The following TCF7L1 variants were observed in gnomAD, a reference collection of about 807,000 sequenced individuals.
The protein encoded by TCF7L1 is transcription factor 7 like 1, also known as transcription factor 7-like 1.
Under a neutral mutation model 63.7 loss-of-function variants are expected in TCF7L1, and 18 were observed. The observed-to-expected ratio is 0.28, with a 90% confidence interval of 0.20 to 0.42. The LOEUF (loss-of-function observed/expected upper bound fraction) is 0.42. TCF7L1 is among the 10% of genes least tolerant of loss of function. The pLI is 1.00. For missense variants in TCF7L1, 654 were observed against 779.3 expected, an observed-to-expected ratio of 0.84 and a Z score of 1.91; for synonymous variants, 355 against 340.9, an observed-to-expected ratio of 1.04 and a Z score of -0.46.
intron 3 of TCF7L1, among the ~76,000 whole-genome samples, chr2:85,202,418 T>C (rs1171117643): frequency 2.1e-4 from 32 of 152,238 alleles, no homozygotes; most frequent in Admixed American, 2.1e-3. Flanking sequence ...TTCTTTGTAG[T>C]ATTCTTTGAA....
chr2:85,196,105 T>A (rs566412175), intron 3 of TCF7L1, among the ~76,000 whole-genome samples: 3 of 152,250 alleles, frequency 2.0e-5, no homozygotes, highest in South Asian at 2.1e-4. Context: ...TGCTGGCATT[T>A]CCAGCTTCCA....
chr2:85,276,530 G>C (rs191475015), intron 3 of TCF7L1, among the ~76,000 whole-genome samples: 1 of 152,084 alleles, frequency 6.6e-6, no homozygotes, highest in African/African-American at 2.4e-5. Context: ...GTGAAGAAGC[G>C]ATCCGTGTCT....
chr2:85,233,417 G>T (rs1400752949), intron 3 of TCF7L1, among the ~76,000 whole-genome samples: 1 of 150,836 alleles, frequency 6.6e-6, no homozygotes, highest in Non-Finnish European at 1.5e-5. Flanking sequence ...TCTGGTTCAA[G>T]TGATTCTCCT....
At position 85,134,483 on chromosome 2, in the gene TCF7L1, G is replaced by C. The variant is rs1488317833; in HGVS notation, c.441+33G>C. 6 of 1,545,034 alleles carry C rather than the reference G, an allele frequency of 3.9e-6. No individual in the cohort carries two copies. The highest frequency in any genetic ancestry group is 5.2e-6 in the Non-Finnish European group (6 of 1,144,236). On this transcript the variant is annotated intron_variant, in intron 3 of 11. Coordinates refer to ENST00000282111, the MANE Select transcript of TCF7L1 (RefSeq NM_031283.3). This position sits in a 1 kb window ranked among gnomAD's most constrained non-coding sequence, Gnocchi z 5.0. ...CCCGTCGGGCGCGCCGGGGAGGGTGGGAGGCCGCGGCCCGCAGGATGCGCC... is the reference window on the plus strand; with the variant it reads ...CCCGTCGGGCGCGCCGGGGAGGGTGCGAGGCCGCGGCCCGCAGGATGCGCC...
chr2:85,231,448 C>T (rs545216728), intron 3 of TCF7L1, among the ~76,000 whole-genome samples: 2 of 152,332 alleles, frequency 1.3e-5, no homozygotes, highest in Non-Finnish European at 2.9e-5. Flanking sequence ...CAGCCTAGAG[C>T]AAACTGAATT....
rs376241562 is a variant in TCF7L1 at position 85,309,318 on chromosome 2, C to T, written c.1623C>T (p.Leu541=). The change falls in exon 12 of 12, where the codon CTC becomes CTT. Residue 541 remains leucine, a synonymous_variant. Transcript: ENST00000282111. Reference sequence around the variant, plus strand: ...GGCAGATGGGCAGCCAGCCTCCCCTCCTGTCCCGGCCCCTCCCCCTTGGGT... The same window carrying T: ...GGCAGATGGGCAGCCAGCCTCCCCTTCTGTCCCGGCCCCTCCCCCTTGGGT... ...SSGQMGSQPP[L]LSRPLPLGSM... 5.4e-5 allele frequency: 87 copies of T among 1,613,312 alleles called. 1 individual carries two copies. The African/African-American group carries it at 9.3e-4, about 17-fold the overall frequency.
At chr2:85,208,800 A>T (rs1223354435) in intron 3 of TCF7L1, among the ~76,000 whole-genome samples, 1 of 152,214 alleles carries the variant, frequency 6.6e-6, no homozygotes, top group African/African-American at 2.4e-5. Context: ...ACTTTTTATT[A>T]TCTTGAGGAA....
Position 85,306,602 on chromosome 2 carries a change from C to T in TCF7L1, c.1257+43C>T. 1 of 1,511,894 alleles carries T rather than the reference C, an allele frequency of 6.6e-7. No homozygotes were observed. The highest frequency in any genetic ancestry group is 9.2e-7 in the Non-Finnish European group (1 of 1,090,978). The allele number at this position is 1,511,894 out of a possible 1,614,324, so 93.7% of individuals were successfully genotyped here. ...GCAGAGGACGCTCAGACCCCAGGAA[C>T]AGCCTCTGCAAGAGGAGGAAGGGTG... On this transcript the variant is annotated intron_variant, in intron 10 of 11. Coordinates refer to ENST00000282111, the MANE Select transcript of TCF7L1 (RefSeq NM_031283.3). This position sits in a 1 kb window ranked among gnomAD's most constrained non-coding sequence, Gnocchi z 4.3.
intron 3 of TCF7L1, among the ~76,000 whole-genome samples, chr2:85,204,521 T>C (rs1439741984): frequency 6.6e-6 from 1 of 152,148 alleles, no homozygotes. Flanking sequence ...GTAGATTTAC[T>C]GGGTCTGATA....
Position 85,306,458 on chromosome 2 carries a change from A to G in TCF7L1, c.1156A>G (p.Asn386Asp). Reference protein sequence around the residue: ...INQILGRKWHNLSREEQAKYY... With the variant: ...INQILGRKWHDLSREEQAKYY... ...CTGACCCTCTCTCCCCCAGTGGCAC[A>G]ACCTGTCTCGAGAAGAACAGGCCAA... Residue 386 changes from asparagine (N) to aspartate (D), a missense_variant, in exon 10 of 12, where the codon AAC becomes GAC. This residue lies in a region of TCF7L1 where 66 missense variants were observed against 120.5 expected (regional missense o/e 0.55). Coordinates refer to ENST00000282111, the MANE Select transcript of TCF7L1 (RefSeq NM_031283.3). This position sits in a 1 kb window ranked among gnomAD's most constrained non-coding sequence, Gnocchi z 4.3. 6.2e-7 allele frequency: 1 copy of G among 1,614,116 alleles called. No individual in the cohort carries two copies. The highest frequency in any genetic ancestry group is 8.5e-7 in the Non-Finnish European group (1 of 1,180,010).
At chr2:85,255,746 G>A (rs573978014) in intron 3 of TCF7L1, among the ~76,000 whole-genome samples, 1 of 152,260 alleles carries the variant, frequency 6.6e-6, no homozygotes, top group East Asian at 1.9e-4. Context: ...GTTGCTGTAG[G>A]CCTGCATTAG....
intron 3 of TCF7L1, among the ~76,000 whole-genome samples, chr2:85,244,948 G>C (rs1680425733): frequency 6.6e-6 from 1 of 152,180 alleles, no homozygotes; most frequent in African/African-American, 2.4e-5. Context: ...CTGCAGCCAA[G>C]GAGGGGAGTG....
At chr2:85,188,976 T>C (rs1378497451) in intron 3 of TCF7L1, among the ~76,000 whole-genome samples, 1 of 152,198 alleles carries the variant, frequency 6.6e-6, no homozygotes, top group African/African-American at 2.4e-5. Context: ...TCTTTAATTA[T>C]CTTTTTGGGG....
intron 3 of TCF7L1, among the ~76,000 whole-genome samples, chr2:85,151,238 A>C (rs1014111061): frequency 5.9e-5 from 9 of 152,144 alleles, no homozygotes; most frequent in African/African-American, 2.2e-4. Flanking sequence ...GTAACTTCCT[A>C]ATTAGGTTTT....
At position 85,134,023 on chromosome 2, in the gene TCF7L1, G is replaced by T; in HGVS notation, c.257G>T (p.Arg86Met). 1 of 1,609,748 alleles carries T rather than the reference G, an allele frequency of 6.2e-7. No homozygotes were observed. ...TTTGTGTCTCCTCCGCAGGCGGAGA[G>T]GCGCCCGCAGCCCGTCCGGGACACT... ...QSSSSDSEAERRPQPVRDTFQ... is the reference protein window; with the variant it reads ...QSSSSDSEAEMRPQPVRDTFQ... Residue 86 changes from arginine to methionine, a missense_variant, in exon 2 of 12, where the codon AGG (arginine) becomes ATG (methionine). Transcript: ENST00000282111. This position sits in a 1 kb window ranked among gnomAD's most constrained non-coding sequence, Gnocchi z 5.0.
At chr2:85,249,316 G>A (rs916109442) in intron 3 of TCF7L1, among the ~76,000 whole-genome samples, 13 of 152,180 alleles carry the variant, frequency 8.5e-5, no homozygotes, top group African/African-American at 1.2e-4. Context: ...CCCGATTCTC[G>A]TGCAGTTACC....
intron 10 of TCF7L1, among the ~76,000 whole-genome samples, chr2:85,307,181 G>A (rs1682135262): frequency 8.0e-6 from 1 of 124,810 alleles, no homozygotes; most frequent in Non-Finnish European, 1.8e-5. Context: ...CCTAACCCAG[G>A]GCTCAAAGAC....
At chr2:85,197,420 C>T (rs565255321) in intron 3 of TCF7L1, among the ~76,000 whole-genome samples, 168 of 152,118 alleles carry the variant, frequency 1.1e-3, no homozygotes, top group Non-Finnish European at 2.1e-3. Flanking sequence ...ATATATATTT[C>T]GGGAGTGGGG....
chr2:85,256,982 T>TA (rs34200258), intron 3 of TCF7L1, among the ~76,000 whole-genome samples: 87,912 of 148,118 alleles, frequency 0.59, 26,438 homozygotes, highest in Non-Finnish European at 0.65. Context: ...GACTCTGTCT[T>TA]AAAAAAAAAA....
Sources: allele counts gnomAD v4.1 joint callset (sites outside exome capture counted in the v4.1 genomes callset), GRCh38; gene constraint gnomAD v4.1.1; regional missense constraint gnomAD v4.1.1; non-coding constraint Gnocchi (gnomAD v3.1); transcripts MANE v1.5; gene names NCBI Gene and HGNC (gene_info 2026-07-23, HGNC 2026-07-21).